RAP1GDS1: variants seen among roughly 807,000 people sequenced by gnomAD.
The protein encoded by RAP1GDS1 is RAP1, GTP-GDP dissociation stimulator 1.
Under a neutral mutation model 71.1 loss-of-function variants are expected in RAP1GDS1, and 35 were observed. The ratio of observed to expected loss-of-function variants is 0.49; its 90% CI spans 0.38 to 0.65. The LOEUF (loss-of-function observed/expected upper bound fraction) is 0.65, where lower values mean the gene tolerates loss of function less well. Among genes scored for constraint, RAP1GDS1 ranks in the 30% least tolerant of loss-of-function variants. RAP1GDS1 has a pLI of 0.00. For missense variants in RAP1GDS1, 663 were observed against 706.1 expected, an observed-to-expected ratio of 0.94 and a Z score of 0.69; for synonymous variants, 229 against 243.1, an observed-to-expected ratio of 0.94 and a Z score of 0.54.
intron 2 of RAP1GDS1, among the ~76,000 whole-genome samples, chr4:98,333,262 C>A (rs1038520629): frequency 1.3e-5 from 2 of 151,920 alleles, no homozygotes; most frequent in African/African-American, 2.4e-5. Context: ...TTTATGCTTT[C>A]ATCGAAAACA....
In RAP1GDS1 at chr4:98,269,588, C is replaced by T. The variant is rs76176505; in HGVS notation, c.4+8019C>T. On this transcript the variant is annotated intron_variant, in intron 1 of 14. Coordinates refer to ENST00000408927, the MANE Select transcript of RAP1GDS1 (RefSeq NM_001100427.2). ...CCGTATATCCGATTAGGGGTTAACA[C>T]GTAAAAATAATCAGGAACTCATACA... Among the ~76,000 whole-genome samples the T allele has an allele frequency of 5.1e-3, 775 of 152,100 alleles. 8 individuals carry two copies. The highest frequency in any genetic ancestry group is 5.9e-3 in the Non-Finnish European group (404 of 67,960).
At chr4:98,310,204 A>T (rs948865180) in intron 2 of RAP1GDS1, among the ~76,000 whole-genome samples, 4 of 152,084 alleles carry the variant, frequency 2.6e-5, no homozygotes, top group Non-Finnish European at 5.9e-5. Flanking sequence ...CACACTTAGT[A>T]TTTATTTAGT....
intron 12 of RAP1GDS1, among the ~76,000 whole-genome samples, chr4:98,423,812 G>A (rs775067352): frequency 2.6e-5 from 4 of 152,052 alleles, no homozygotes; most frequent in Non-Finnish European, 5.9e-5. Flanking sequence ...CCAAAGTGTT[G>A]GGATTACAAG....
intron 6 of RAP1GDS1, among the ~76,000 whole-genome samples, chr4:98,394,831 A>T (rs1452699424): frequency 6.6e-6 from 1 of 152,100 alleles, no homozygotes; most frequent in African/African-American, 2.4e-5. Flanking sequence ...ATTTCTCCAA[A>T]AGTGCCTTGC....
chr4:98,379,479 C>T (rs781123343), intron 5 of RAP1GDS1: 13 of 170,808 alleles, frequency 7.6e-5, no homozygotes, highest in South Asian at 5.7e-4. Flanking sequence ...GTTTTATCTT[C>T]GTTATATATA....
intron 2 of RAP1GDS1, among the ~76,000 whole-genome samples, chr4:98,336,339 A>C (rs189969783): frequency 3.9e-5 from 6 of 152,294 alleles, no homozygotes; most frequent in Admixed American, 3.9e-4. Context: ...CAACTGCTTT[A>C]TGACCTACTT....
At position 98,404,520 on chromosome 4, in the gene RAP1GDS1, G is replaced by A. The variant is rs1219586176; in HGVS notation, c.681G>A (p.Glu227=). 4 of 1,608,614 alleles carry A rather than the reference G, an allele frequency of 2.5e-6. No individual in the cohort carries two copies. Among genetic ancestry groups the A allele is most frequent in the Non-Finnish European group, 3.4e-6 (4 of 1,177,830 alleles). ...TTGCCAGTACAAACATTGCTGAAGA[G>A]CTAGTAAAACTCTTCAAGAAACAAA... The part of the protein sequence containing the change: ...EQFASTNIAE[E]LVKLFKKQIE... The change falls in exon 7 of 15, where the codon GAG becomes GAA. Residue 227 remains glutamate (E), a synonymous_variant. Transcript: ENST00000408927.
chr4:98,413,371 T>TC (rs1275754104), intron 7 of RAP1GDS1, among the ~76,000 whole-genome samples: 25 of 142,692 alleles, frequency 1.8e-4, no homozygotes, highest in African/African-American at 6.1e-4. Flanking sequence ...CCCTCCCCGC[T>TC]CCCCCCACCC....
At chr4:98,314,229 A>C (rs28558542) in intron 2 of RAP1GDS1, among the ~76,000 whole-genome samples, 1 of 152,164 alleles carries the variant, frequency 6.6e-6, no homozygotes, top group Non-Finnish European at 1.5e-5. Context: ...ATTTTTGCAT[A>C]CATTTGCTTA....
chr4:98,441,855 T>C, intron 14 of RAP1GDS1, 135 bp from the exon 15 acceptor site: 4 of 930,234 alleles, frequency 4.3e-6, no homozygotes, highest in Non-Finnish European at 6.0e-6. Context: ...ATTGCTAGGC[T>C]ACTGCTATGT....
Position 98,261,576 on chromosome 4 carries a change from C to T in RAP1GDS1, c.4+7C>T, listed in dbSNP as rs757846632. On this transcript the variant is annotated splice_region_variant and intron_variant, in intron 1 of 14. Coordinates refer to ENST00000408927, the MANE Select transcript of RAP1GDS1 (RefSeq NM_001100427.2). The stretch of plus-strand genomic sequence containing the variant: ...CCCTCGGGGAGCAACATGGGTAAGT[C>T]ATCCTTCCTCCGCCGTCATCGCCTG... The T allele has an allele frequency of 1.2e-6, 2 of 1,600,714 alleles. No individual in the cohort carries two copies. Among genetic ancestry groups the T allele is most frequent in the African/African-American group, 2.7e-5 (2 of 74,302 alleles).
At chr4:98,441,864 G>T in intron 14 of RAP1GDS1, 126 bp from the exon 15 acceptor site, 3 of 1,075,510 alleles carry the variant, frequency 2.8e-6, no homozygotes, top group Non-Finnish European at 3.8e-6. Flanking sequence ...CTACTGCTAT[G>T]TCTTTTTCCA....
chr4:98,406,480 C>T (rs1490707917), intron 7 of RAP1GDS1, among the ~76,000 whole-genome samples: 3 of 151,524 alleles, frequency 2.0e-5, no homozygotes, highest in Non-Finnish European at 2.9e-5. Context: ...TCCAATTTAC[C>T]TAGAAAAAAA....
At chr4:98,402,079 T>TA (rs912753458) in intron 6 of RAP1GDS1, among the ~76,000 whole-genome samples, 8 of 152,146 alleles carry the variant, frequency 5.3e-5, no homozygotes, top group African/African-American at 1.7e-4. Flanking sequence ...TTTATTTATT[T>TA]TTTTTCTTTT....
chr4:98,378,932 GAAT>G, intron 4 of RAP1GDS1, 82 bp from the exon 5 acceptor site: 1 of 1,233,404 alleles, frequency 8.1e-7, no homozygotes, highest in Non-Finnish European at 1.1e-6. Context: ...ACAAAATAAA[GAAT>G]AACACTGTTA....
At chr4:98,377,210 T>G (rs1741294118) in intron 4 of RAP1GDS1, among the ~76,000 whole-genome samples, 1 of 151,934 alleles carries the variant, frequency 6.6e-6, no homozygotes, top group African/African-American at 2.4e-5. Flanking sequence ...GGAATTAGAA[T>G]CAAATACTAT....
intron 7 of RAP1GDS1, among the ~76,000 whole-genome samples, chr4:98,406,409 A>G (rs937116090): frequency 6.6e-6 from 1 of 152,010 alleles, no homozygotes; most frequent in Non-Finnish European, 1.5e-5. Flanking sequence ...TATCAAGTAA[A>G]ATAGATTTTA....
At chr4:98,438,685 A>G (rs1271380756) in intron 14 of RAP1GDS1, among the ~76,000 whole-genome samples, 1 of 143,178 alleles carries the variant, frequency 7.0e-6, no homozygotes, top group Non-Finnish European at 1.5e-5. Context: ...TTCTTCCTCC[A>G]GGGTTCAAGT....
At chr4:98,416,693 G>T in intron 7 of RAP1GDS1, 52 bp from the exon 8 acceptor site, 1 of 1,504,902 alleles carries the variant, frequency 6.6e-7, no homozygotes, top group Non-Finnish European at 9.2e-7. Context: ...GCTTATACCA[G>T]AGCTCCTATT....
Sources: gnomAD v4.1 joint callset for allele counts (sites outside exome capture counted in the v4.1 genomes callset) on GRCh38, gnomAD v4.1.1 for gene constraint, MANE v1.5 for transcripts, NCBI Gene and HGNC (gene_info 2026-07-23, HGNC 2026-07-21) for gene names.